FGF12: variants seen among roughly 807,000 people sequenced by gnomAD.
The protein encoded by FGF12 is fibroblast growth factor 12B.
FGF12 carries 14 observed loss-of-function variants against 23.6 expected under a neutral mutation model. That is an observed-to-expected ratio of 0.59 (90% CI 0.39 to 0.93). FGF12 has a LOEUF of 0.93. FGF12 is among the 40% of genes least tolerant of loss of function. The pLI is 0.00. For missense variants in FGF12, 175 were observed against 217.8 expected (o/e 0.80, Z 1.24); for synonymous variants, 62 against 77.3 (o/e 0.80, Z 1.04).
intron 2 of FGF12, among the ~76,000 whole-genome samples, chr3:192,616,726 C>A (rs752170509): frequency 2.0e-5 from 3 of 151,902 alleles, no homozygotes; most frequent in African/African-American, 4.8e-5. Flanking sequence ...AAATCTTCTA[C>A]GGCATTATGT....
chr3:192,145,777 T>A lies in FGF12; in HGVS notation c.428-1650A>T, dbSNP rs114543981. Among the ~76,000 whole-genome samples, 383 of 152,236 alleles carry A rather than the reference T, an allele frequency of 2.5e-3. 3 individuals carry two copies. The highest frequency in any genetic ancestry group is 8.9e-3 in the African/African-American group (371 of 41,550). ...AGAGGAAACCAGCTCAGAGAGTAGA[T>A]CATATAATTTTCAAATGACACAAGT... On this transcript the variant is annotated intron_variant, in intron 5 of 5. Transcript: ENST00000445105.
At chr3:192,148,306 C>T (rs192114785) in intron 5 of FGF12, among the ~76,000 whole-genome samples, 2 of 152,294 alleles carry the variant, frequency 1.3e-5, no homozygotes, top group East Asian at 1.9e-4. Context: ...ACACATACTA[C>T]AACATGAATG....
intron 2 of FGF12, among the ~76,000 whole-genome samples, chr3:192,566,769 A>G (rs1712312370): frequency 1.3e-5 from 2 of 152,232 alleles, no homozygotes; most frequent in South Asian, 4.1e-4. Flanking sequence ...TTTTTCTAAA[A>G]TAAAAATTAC....
chr3:192,533,435 A>C (rs112560027), intron 2 of FGF12, among the ~76,000 whole-genome samples: 14 of 152,310 alleles, frequency 9.2e-5, no homozygotes, highest in African/African-American at 2.6e-4. Flanking sequence ...ATAATGAAAT[A>C]CATTGATATT....
At chr3:192,700,551 A>G (rs1228711687) in intron 2 of FGF12, among the ~76,000 whole-genome samples, 1 of 152,208 alleles carries the variant, frequency 6.6e-6, no homozygotes, top group African/African-American at 2.4e-5. Flanking sequence ...ACTACTTAAC[A>G]TGTTTGAGCA....
intron 2 of FGF12, among the ~76,000 whole-genome samples, chr3:192,491,563 A>G (rs1560127648): frequency 6.6e-6 from 1 of 152,140 alleles, no homozygotes; most frequent in Non-Finnish European, 1.5e-5. Context: ...TAATACAGGC[A>G]ACTTTACCTC....
intron 2 of FGF12, among the ~76,000 whole-genome samples, chr3:192,696,802 C>T (rs1013972341): frequency 1.3e-5 from 2 of 151,904 alleles, no homozygotes; most frequent in South Asian, 2.1e-4. Context: ...TAACAAGATT[C>T]GGGTGATACA....
intron 2 of FGF12, among the ~76,000 whole-genome samples, chr3:192,415,997 A>G (rs1721341282): frequency 6.6e-6 from 1 of 152,024 alleles, no homozygotes; most frequent in African/African-American, 2.4e-5. Context: ...CCAAATTTTC[A>G]GGGAATGGAT....
intron 4 of FGF12, among the ~76,000 whole-genome samples, chr3:192,312,740 C>T (rs542746349): frequency 3.0e-5 from 4 of 131,158 alleles, no homozygotes; most frequent in African/African-American, 1.4e-4. Flanking sequence ...GAGTGAGACT[C>T]GGTCTCAAAA....
chr3:192,270,573 T>A (rs1373685804), intron 4 of FGF12, among the ~76,000 whole-genome samples: 1 of 152,142 alleles, frequency 6.6e-6, no homozygotes, highest in Non-Finnish European at 1.5e-5. Flanking sequence ...TAATTCTGGA[T>A]GAGCCAAGTC....
chr3:192,416,754 C>T (rs527951128), intron 2 of FGF12, among the ~76,000 whole-genome samples: 69 of 152,180 alleles, frequency 4.5e-4, no homozygotes, highest in African/African-American at 1.6e-3. Flanking sequence ...AAACAATATT[C>T]CCCTGTGCCT....
chr3:192,640,431 C>G (rs1248367109), intron 2 of FGF12, among the ~76,000 whole-genome samples: 2 of 151,946 alleles, frequency 1.3e-5, no homozygotes, highest in Non-Finnish European at 2.9e-5. Flanking sequence ...TTTTCACAGG[C>G]TAATTTTATA....
At chr3:192,480,403 C>A (rs577037401) in intron 2 of FGF12, among the ~76,000 whole-genome samples, 1 of 152,212 alleles carries the variant, frequency 6.6e-6, no homozygotes, top group African/African-American at 2.4e-5. Flanking sequence ...AATATCAGTA[C>A]GAGAGCCCAT....
chr3:192,305,680 AT>A (rs71177356), intron 4 of FGF12, among the ~76,000 whole-genome samples: 1,436 of 64,330 alleles, frequency 0.022, 13 homozygotes, highest in African/African-American at 0.067. Flanking sequence ...AAAAAAAAAA[AT>A]ATATATATAT....
intron 2 of FGF12, among the ~76,000 whole-genome samples, chr3:192,608,666 C>T (rs950209641): frequency 9.2e-5 from 14 of 152,062 alleles, no homozygotes; most frequent in African/African-American, 2.9e-4. Flanking sequence ...TCTGGCCTTC[C>T]GAGAAGATGC....
At chr3:192,295,139 C>T (rs1215163168) in intron 4 of FGF12, among the ~76,000 whole-genome samples, 1 of 152,202 alleles carries the variant, frequency 6.6e-6, no homozygotes, top group Non-Finnish European at 1.5e-5. Flanking sequence ...CACCTCCCCA[C>T]CTCCTACTCT....
At chr3:192,465,899 T>C (rs543314326) in intron 2 of FGF12, among the ~76,000 whole-genome samples, 1 of 152,324 alleles carries the variant, frequency 6.6e-6, no homozygotes, top group African/African-American at 2.4e-5. Flanking sequence ...GAGTATCTTT[T>C]CCCCTATTGA....
intron 4 of FGF12, among the ~76,000 whole-genome samples, chr3:192,216,338 T>C (rs1185778968): frequency 6.6e-6 from 1 of 152,208 alleles, no homozygotes; most frequent in Non-Finnish European, 1.5e-5. Flanking sequence ...GGTTATTCCC[T>C]GCCACCCAGA....
intron 4 of FGF12, among the ~76,000 whole-genome samples, chr3:192,288,404 G>A (rs147021947): frequency 1.6e-4 from 24 of 152,068 alleles, no homozygotes; most frequent in African/African-American, 4.6e-4. Flanking sequence ...CTATTCTCCC[G>A]AAGGATTCAT....
Sources: allele counts gnomAD v4.1 joint callset (sites outside exome capture counted in the v4.1 genomes callset), GRCh38; gene constraint gnomAD v4.1.1; transcripts MANE v1.5; gene names NCBI Gene and HGNC (gene_info 2026-07-23, HGNC 2026-07-21).